PHF24: variants seen among roughly 807,000 people sequenced by gnomAD.
PHF24 encodes Galpha inhibitory interacting protein.
PHF24 carries 25 observed loss-of-function variants against 42.6 expected under a neutral mutation model. That is an observed-to-expected ratio of 0.59 (90% CI 0.43 to 0.82). The LOEUF is 0.82. Ranked by LOEUF, PHF24 falls within the 40% of genes least tolerant of loss-of-function variation. PHF24 has a pLI of 0.00. For synonymous variants in PHF24, 185 were observed against 204.8 expected (o/e 0.90, Z 0.83); for missense variants, 470 against 538.1 (o/e 0.87, Z 1.25).
At chr9:34,685,937 C>T in the PHF24 span, among the ~76,000 whole-genome samples, 1 of 152,214 alleles carries the variant, frequency 6.6e-6, no homozygotes. Flanking sequence ...ACTGCCCAGA[C>T]AGGAACGCCA....
the PHF24 span, among the ~76,000 whole-genome samples, chr9:34,829,459 A>G: frequency 1.3e-5 from 2 of 152,184 alleles, no homozygotes; most frequent in Admixed American, 1.3e-4. Flanking sequence ...TATGTTTGGC[A>G]TAGTACTTGG....
the PHF24 span, among the ~76,000 whole-genome samples, chr9:34,848,412 T>C: frequency 6.6e-6 from 1 of 151,846 alleles, no homozygotes; most frequent in Admixed American, 6.6e-5. Flanking sequence ...TGTTCTCTGA[T>C]GGTAGTTTGT....
At chr9:34,794,256 A>G in the PHF24 span, among the ~76,000 whole-genome samples, 3 of 152,198 alleles carry the variant, frequency 2.0e-5, no homozygotes, top group Non-Finnish European at 4.4e-5. Flanking sequence ...GAGATTTTTA[A>G]CAACTGAACT....
At chr9:34,971,483 A>G (rs1826979675) in exon 2 of PHF24, 2 of 1,614,182 alleles carry the variant, frequency 1.2e-6, no homozygotes, top group Non-Finnish European at 1.7e-6. Context: ...AAGGAAGCAG[A>G]AGCAGGAACC....
chr9:34,759,383 T>TC, the PHF24 span, among the ~76,000 whole-genome samples: 1 of 152,306 alleles, frequency 6.6e-6, no homozygotes, highest in East Asian at 1.9e-4. Flanking sequence ...CCTTGTTTTT[T>TC]CCCTCTTTTC....
the PHF24 span, among the ~76,000 whole-genome samples, chr9:34,745,608 AC>A: frequency 6.7e-6 from 1 of 149,648 alleles, no homozygotes; most frequent in Admixed American, 6.6e-5. Flanking sequence ...GACCAGAAAT[AC>A]CCCATACTGA....
chr9:34,727,746 G>C, the PHF24 span, among the ~76,000 whole-genome samples: 1 of 152,196 alleles, frequency 6.6e-6, no homozygotes, highest in Non-Finnish European at 1.5e-5. Flanking sequence ...GCTGAGTGCA[G>C]CTCCATGTAA....
At chr9:34,667,886 C>T in the PHF24 span, among the ~76,000 whole-genome samples, 1 of 152,072 alleles carries the variant, frequency 6.6e-6, no homozygotes, top group African/African-American at 2.4e-5. Flanking sequence ...GTTTTAGGGG[C>T]TTCCTTGTGG....
chr9:34,760,302 C>T, the PHF24 span, among the ~76,000 whole-genome samples: 44,084 of 152,142 alleles, frequency 0.29, 6,861 homozygotes, highest in Admixed American at 0.35. Context: ...TGAGTCCTAT[C>T]GCCTTGTAAA....
the PHF24 span, among the ~76,000 whole-genome samples, chr9:34,831,491 A>G: frequency 1.3e-5 from 2 of 152,096 alleles, no homozygotes; most frequent in African/African-American, 4.8e-5. Context: ...CTTTCCCAGA[A>G]ACTTCAGTGC....
chr9:34,896,425 G>A, the PHF24 span, among the ~76,000 whole-genome samples: 371 of 152,304 alleles, frequency 2.4e-3, 2 homozygotes, highest in South Asian at 3.9e-3. Context: ...CCTGAGATGG[G>A]TGAGCAGAGA....
the PHF24 span, among the ~76,000 whole-genome samples, chr9:34,905,286 T>C: frequency 2.6e-5 from 4 of 152,004 alleles, no homozygotes; most frequent in South Asian, 2.1e-4. Flanking sequence ...CAACCTGACC[T>C]CCTACCAGAG....
the PHF24 span, among the ~76,000 whole-genome samples, chr9:34,869,864 T>C: frequency 2.1e-4 from 32 of 152,154 alleles, no homozygotes; most frequent in African/African-American, 7.7e-4. Context: ...CCACAAATTA[T>C]CTGACTTTTC....
At chr9:34,846,557 C>G in the PHF24 span, among the ~76,000 whole-genome samples, 3 of 151,836 alleles carry the variant, frequency 2.0e-5, no homozygotes, top group Non-Finnish European at 1.5e-5. Flanking sequence ...GTTGCCTGTT[C>G]ACTCTGATGG....
the PHF24 span, among the ~76,000 whole-genome samples, chr9:34,908,545 CAAGGGG>C: frequency 1.3e-5 from 2 of 152,022 alleles, no homozygotes; most frequent in South Asian, 4.2e-4. Flanking sequence ...TAATAGGTGG[CAAGGGG>C]AGGTCTGAGA....
the PHF24 span, among the ~76,000 whole-genome samples, chr9:34,688,277 C>T: frequency 6.6e-6 from 1 of 152,192 alleles, no homozygotes; most frequent in African/African-American, 2.4e-5. Flanking sequence ...CATCTGACCC[C>T]AGTGGCACAG....
the PHF24 span, among the ~76,000 whole-genome samples, chr9:34,745,831 C>A: frequency 6.6e-6 from 1 of 151,980 alleles, no homozygotes; most frequent in East Asian, 1.9e-4. Context: ...GACCATTTCT[C>A]CTGCCAAGAA....
In PHF24 at chr9:34,971,408, C is replaced by T. The variant is rs539925865; in HGVS notation, c.110C>T (p.Thr37Ile). 88 of 1,614,142 alleles carry T rather than the reference C, an allele frequency of 5.5e-5. No homozygotes were observed. The East Asian group carries it at 1.8e-3, about 32-fold the overall frequency. ...CGGGACAGGCCTTCCATCCGACGCA[C>T]AGGTGAGCTGCCAGGGTCCCGCCGT... Residue 37 changes from threonine to isoleucine, a missense_variant, in exon 2 of 8, where the codon ACA becomes ATA. Thr to Ile is a moderately conservative substitution (Grantham distance 89, BLOSUM62 -1). Transcript: ENST00000242315.
the PHF24 span, chr9:34,726,967 C>G: frequency 4.5e-6 from 7 of 1,548,188 alleles, no homozygotes; most frequent in African/African-American, 1.4e-5. Context: ...GCACACTTCT[C>G]TCCAGAGGAA....
Sources: gnomAD v4.1 joint callset for allele counts (sites outside exome capture counted in the v4.1 genomes callset) on GRCh38, gnomAD v4.1.1 for gene constraint, MANE v1.5 for transcripts, NCBI Gene and HGNC (gene_info 2026-07-23, HGNC 2026-07-21) for gene names.